The following COG1 variants were observed in gnomAD, a reference collection of about 807,000 sequenced individuals.
The protein encoded by COG1 is conserved oligomeric Golgi complex subunit 1.
COG1 carries 61 observed loss-of-function variants against 102.2 expected under a neutral mutation model. The ratio of observed to expected loss-of-function variants is 0.60; its 90% CI spans 0.49 to 0.74. The LOEUF (loss-of-function observed/expected upper bound fraction) is 0.74, where lower values mean the gene tolerates loss of function less well. Among genes scored for constraint, COG1 ranks in the 30% least tolerant of loss-of-function variants. The pLI is 0.00. For synonymous variants in COG1, 454 were observed against 493.6 expected (o/e 0.92, Z 1.06); for missense variants, 1,164 against 1,232.1 (o/e 0.94, Z 0.83).
At position 73,208,328 on chromosome 17, in the gene COG1, A is replaced by G; in HGVS notation, c.2820A>G (p.Ala940=). The G allele has an allele frequency of 6.2e-7, 1 of 1,613,910 alleles. No individual in the cohort carries two copies. Among genetic ancestry groups the G allele is most frequent in the Non-Finnish European group, 8.5e-7 (1 of 1,180,002 alleles). ...IETKAQVVPP[A]RSTAGDPTVP... ...TCCAATGGCAGGTTGTCCCCCCGGC[A>G]CGCTCCACAGCTGGTGACCCGACAG... Residue 940 remains alanine (A), a synonymous_variant, in exon 14 of 14, where the codon GCA becomes GCG. Coordinates refer to ENST00000299886, the MANE Select transcript of COG1 (RefSeq NM_018714.3).
intron 4 of COG1, 36 bp downstream of exon 4, chr17:73,197,432 A>G (rs1451064339): frequency 6.2e-7 from 1 of 1,609,336 alleles, no homozygotes; most frequent in African/African-American, 1.3e-5. Context: ...ATTCTGGTTC[A>G]CTCAACTGAT....
Position 73,197,232 on chromosome 17 carries a change from G to A in COG1, c.749G>A (p.Gly250Asp). Residue 250 changes from glycine to aspartate, a missense_variant, in exon 4 of 14, where the codon GGT becomes GAT. Physicochemically the swap from Gly to Asp is moderately conservative, Grantham distance 94 (BLOSUM62 -1). Coordinates refer to ENST00000299886, the MANE Select transcript of COG1 (RefSeq NM_018714.3). The part of the protein sequence containing the change: ...KLLNQPHHGA[G>D]IKAQICSLVE... ...GGATGGTTTCTTCTTTTAGGTGCTG[G>A]TATCAAGGCTCAGATTTGCTCATTA... 6.2e-7 allele frequency: 1 copy of A among 1,614,180 alleles called. No individual in the cohort carries two copies. The highest frequency in any genetic ancestry group is 8.5e-7 in the Non-Finnish European group (1 of 1,180,036).
At position 73,196,884 on chromosome 17, in the gene COG1, G is replaced by C. The variant is rs370728414; in HGVS notation, c.561-16G>C. 11 of 1,614,196 alleles carry C rather than the reference G, an allele frequency of 6.8e-6. No homozygotes were observed. The highest frequency in any genetic ancestry group is 8.5e-6 in the Non-Finnish European group (10 of 1,180,038). On this transcript the variant is annotated splice_polypyrimidine_tract_variant and intron_variant, in intron 2 of 13. Coordinates refer to ENST00000299886, the MANE Select transcript of COG1 (RefSeq NM_018714.3). ...TGTGAAAAACACCCTGGCGACTTCT[G>C]TCATCATTTTTCTAGGTCAACTATT...
In COG1 at chr17:73,196,622, C is replaced by T. The variant is rs1288461641; in HGVS notation, c.431C>T (p.Thr144Ile). The change falls in exon 2 of 14, where the codon ACA becomes ATA. Residue 144 changes from threonine to isoleucine, a missense_variant. Coordinates refer to ENST00000299886, the MANE Select transcript of COG1 (RefSeq NM_018714.3). ...GAAGCCTCTCAGTGTCTCCACGCCA[C>T]ACAGCTCTACCTGCTCTGCTGCCAC... is the stretch of plus-strand genomic sequence containing the variant. ...SMEASQCLHA[T>I]QLYLLCCHLH... The T allele has an allele frequency of 6.2e-7, 1 of 1,614,114 alleles. No homozygotes were observed. The highest frequency in any genetic ancestry group is 8.5e-7 in the Non-Finnish European group (1 of 1,180,052).
At chr17:73,199,162 C>T (rs1002632378) in intron 4 of COG1, among the ~76,000 whole-genome samples, 2 of 152,188 alleles carry the variant, frequency 1.3e-5, no homozygotes, top group Admixed American at 1.3e-4. Context: ...GCAGTGCAGG[C>T]CTGTCCCCTT....
In COG1 at chr17:73,196,897, T is replaced by C; in HGVS notation, c.561-3T>C. ...CTGGCGACTTCTGTCATCATTTTTC[T>C]AGGTCAACTATTCTGCATGAAAGCA... On this transcript the variant is annotated splice_polypyrimidine_tract_variant and splice_region_variant and intron_variant, in intron 2 of 13. Coordinates refer to ENST00000299886, the MANE Select transcript of COG1 (RefSeq NM_018714.3). 1 of 1,614,256 alleles carries C rather than the reference T, an allele frequency of 6.2e-7. No homozygotes were observed. Among genetic ancestry groups the C allele is most frequent in the South Asian group, 1.1e-5 (1 of 91,090 alleles).
In COG1 at chr17:73,208,404, G is replaced by A. The variant is rs2061396163; in HGVS notation, c.2896G>A (p.Ala966Thr). The A allele has an allele frequency of 6.2e-7, 1 of 1,614,074 alleles. No homozygotes were observed. Among genetic ancestry groups the A allele is most frequent in the South Asian group, 1.1e-5 (1 of 91,090 alleles). The change falls in exon 14 of 14, where the codon GCA becomes ACA. Residue 966 changes from alanine (A) to threonine (T), a missense_variant. Transcript: ENST00000299886. ...TGTCAGTGAAGAAGACAACACGTCTGCACCTTCATTATTCAAACTTGGCTG... is the reference window on the plus strand; with the variant it reads ...TGTCAGTGAAGAAGACAACACGTCTACACCTTCATTATTCAAACTTGGCTG... ...QLVSEEDNTS[A>T]PSLFKLGWLS...
intron 11 of COG1, 103 bp from the exon 12 acceptor site, chr17:73,206,605 C>CAGTT: frequency 1.3e-6 from 1 of 795,846 alleles, no homozygotes; most frequent in Admixed American, 2.0e-5. Flanking sequence ...CCCAAAATGA[C>CAGTT]AGTTAGAAAT....
chr17:73,203,556 A>AT lies in COG1; in HGVS notation c.2221-74dup, dbSNP rs1430472925. The AT allele has an allele frequency of 3.2e-6, 5 of 1,567,042 alleles. No individual in the cohort carries two copies. The Admixed American group carries it at 5.0e-5, about 16-fold the overall frequency. ...AGTCCTGGCACATAGGCCTTGTAAGATTAAGTGGATTCACTTTCACTGTGT... is the reference window on the plus strand; with the variant it reads ...AGTCCTGGCACATAGGCCTTGTAAGATTTAAGTGGATTCACTTTCACTGTGT... On this transcript the variant is annotated intron_variant, in intron 8 of 13. Transcript: ENST00000299886.
intron 1 of COG1, among the ~76,000 whole-genome samples, chr17:73,193,790 G>C (rs923875819): frequency 2.6e-5 from 4 of 152,046 alleles, no homozygotes; most frequent in African/African-American, 9.7e-5. Context: ...TGCACTCCAA[G>C]TCATTTCTTC....
At position 73,199,945 on chromosome 17, in the gene COG1, C is replaced by T; in HGVS notation, c.994C>T (p.Gln332Ter). 6.2e-7 allele frequency: 1 copy of T among 1,614,188 alleles called. No homozygotes were observed. The highest frequency in any genetic ancestry group is 8.5e-7 in the Non-Finnish European group (1 of 1,180,032). The change falls in exon 5 of 14, where the codon CAG becomes TAG. Residue 332 changes from glutamine to a stop codon, truncating the protein, a stop_gained. Transcript: ENST00000299886. LOFTEE classifies it high-confidence loss of function. ...CCTGCCAGCATCCATCGTCGAGTTC[C>T]AGCCAACACTCCGAACCCTTGCACA... ...KHLPASIVEF[Q>*]PTLRTLAHPI... is the part of the protein sequence containing the mutation.
rs2061348495 is a variant in COG1, at chr17:73,201,865, A to T, written c.2038A>T (p.Met680Leu). The T allele has an allele frequency of 6.2e-7, 1 of 1,614,112 alleles. No homozygotes were observed. ...VKEVLLQQSV[M>L]GYQVWSSAVV... ...AGAAGTACTCCTCCAGCAGAGCGTG[A>T]TGGGCTACCAGGTCTGGAGCAGTGC... Residue 680 changes from methionine (M) to leucine (L), a missense_variant, in exon 7 of 14, where the codon ATG becomes TTG. Physicochemically the swap from Met to Leu is conservative, Grantham distance 15. Transcript: ENST00000299886.
intron 13 of COG1, chr17:73,208,022 G>C: frequency 7.6e-7 from 1 of 1,323,390 alleles, no homozygotes; most frequent in Non-Finnish European, 9.7e-7. Context: ...CCACTGCAGT[G>C]ATCTTTCAGT....
At position 73,203,798 on chromosome 17, in the gene COG1, G is replaced by A; in HGVS notation, c.2382+5G>A. On this transcript the variant is annotated splice_donor_5th_base_variant and intron_variant, in intron 9 of 13. Coordinates refer to ENST00000299886, the MANE Select transcript of COG1 (RefSeq NM_018714.3). ...TCCGAAGAAAAACAGATTAAGGTAG[G>A]TGTCTGAATGTTTGCCCATTAAAAA... 6.2e-7 allele frequency: 1 copy of A among 1,614,190 alleles called. No homozygotes were observed. Among genetic ancestry groups the A allele is most frequent in the Non-Finnish European group, 8.5e-7 (1 of 1,180,022 alleles).
rs775409708 is a variant in COG1, at chr17:73,203,615, T to C, written c.2221-17T>C. On this transcript the variant is annotated splice_polypyrimidine_tract_variant and intron_variant, in intron 8 of 13. Transcript: ENST00000299886. ...ATTGGTGCAAGTTGGCAATGTGACA[T>C]TTCTTTGTTCTTTTAGCCGTCCTGG... 4 of 1,614,044 alleles carry C rather than the reference T, an allele frequency of 2.5e-6. No homozygotes were observed. The East Asian group carries it at 8.9e-5, about 36-fold the overall frequency.
chr17:73,197,087 T>A lies in COG1; in HGVS notation c.742+6T>A. Reference sequence around the variant, plus strand: ...TCTCAACCAGCCACACCATGGTGGGTGTGGCTTCTGGCCAACATTTGGTCC... The same window carrying A: ...TCTCAACCAGCCACACCATGGTGGGAGTGGCTTCTGGCCAACATTTGGTCC... On this transcript the variant is annotated splice_donor_region_variant and intron_variant, in intron 3 of 13. Coordinates refer to ENST00000299886, the MANE Select transcript of COG1 (RefSeq NM_018714.3). 6.2e-7 allele frequency: 1 copy of A among 1,614,100 alleles called. No homozygotes were observed. The highest frequency in any genetic ancestry group is 8.5e-7 in the Non-Finnish European group (1 of 1,180,020).
rs1198624248 is a variant in COG1, at chr17:73,204,784, T to C, written c.2383-769T>C. ...TTTGCCCAGGCTGGTCTCAAACTCCTGGGTTCAAGCAAATCGCTTGTTTCG... is the reference window on the plus strand; with the variant it reads ...TTTGCCCAGGCTGGTCTCAAACTCCCGGGTTCAAGCAAATCGCTTGTTTCG... On this transcript the variant is annotated intron_variant, in intron 9 of 13. Coordinates refer to ENST00000299886, the MANE Select transcript of COG1 (RefSeq NM_018714.3). 3.9e-5 allele frequency among the ~76,000 whole-genome samples: 6 copies of C among 152,168 alleles called. No homozygotes were observed. The East Asian group carries it at 1.2e-3, about 29-fold the overall frequency.
In COG1 at chr17:73,202,970, C is replaced by G. The variant is rs374918230; in HGVS notation, c.2074-30C>G. The stretch of plus-strand genomic sequence containing the variant: ...GAAACTCTACAGAGGATCTGAGTGG[C>G]TTGTATGGATATCTGCCTTTTATTA... On this transcript the variant is annotated intron_variant, in intron 7 of 13. Coordinates refer to ENST00000299886, the MANE Select transcript of COG1 (RefSeq NM_018714.3). 35 of 1,612,766 alleles carry G rather than the reference C, an allele frequency of 2.2e-5. No individual in the cohort carries two copies. The African/African-American group carries it at 4.5e-4, about 21-fold the overall frequency.
intron 4 of COG1, among the ~76,000 whole-genome samples, chr17:73,199,342 G>A (rs2061337179): frequency 1.4e-5 from 2 of 147,266 alleles, no homozygotes. Context: ...CCCCAGGACT[G>A]CATAGCACTC....
Sources: gnomAD v4.1 joint callset for allele counts (sites outside exome capture counted in the v4.1 genomes callset) on GRCh38, gnomAD v4.1.1 for gene constraint, MANE v1.5 for transcripts, NCBI Gene and HGNC (gene_info 2026-07-23, HGNC 2026-07-21) for gene names.